CHSY3: variants seen among roughly 807,000 people sequenced by gnomAD.
CHSY3 encodes the protein N-acetylgalactosaminyl-proteoglycan 3-beta-glucuronosyltransferase 3.
Under a neutral mutation model 67.2 loss-of-function variants are expected in CHSY3, and 35 were observed. The ratio of observed to expected loss-of-function variants is 0.52; its 90% CI spans 0.40 to 0.69. The LOEUF (loss-of-function observed/expected upper bound fraction) is 0.69, where lower values mean the gene tolerates loss of function less well. Ranked by LOEUF, CHSY3 falls within the 30% of genes least tolerant of loss-of-function variation. The pLI, the probability that CHSY3 is intolerant of heterozygous loss-of-function variation, is 0.00. For synonymous variants in CHSY3, 474 were observed against 434.7 expected (o/e 1.09, Z -1.12); for missense variants, 1,069 against 1,138.5 (o/e 0.94, Z 0.88).
chr5:129,924,012 A>G (rs1437377772), intron 2 of CHSY3, among the ~76,000 whole-genome samples: 1 of 152,208 alleles, frequency 6.6e-6, no homozygotes, highest in East Asian at 1.9e-4. Context: ...TATCACAGCC[A>G]TAGAATTAAA....
intron 2 of CHSY3, among the ~76,000 whole-genome samples, chr5:130,149,806 C>A (rs1168620505): frequency 6.6e-6 from 1 of 152,140 alleles, no homozygotes; most frequent in African/African-American, 2.4e-5. Flanking sequence ...GTTAAAACAC[C>A]AGTATCTGTA....
intron 2 of CHSY3, among the ~76,000 whole-genome samples, chr5:130,139,361 A>G (rs1330983846): frequency 6.6e-6 from 1 of 152,218 alleles, no homozygotes; most frequent in Non-Finnish European, 1.5e-5. Context: ...TTCCCATCAT[A>G]TGAAGTTCAG....
intron 2 of CHSY3, among the ~76,000 whole-genome samples, chr5:130,055,594 GA>G (rs1450730796): frequency 3.3e-5 from 5 of 152,056 alleles, no homozygotes; most frequent in Admixed American, 6.6e-5. Flanking sequence ...ATCATTTCAT[GA>G]TGGCTTTGAG....
intron 2 of CHSY3, among the ~76,000 whole-genome samples, chr5:129,997,526 A>G (rs1444095237): frequency 6.6e-6 from 1 of 151,960 alleles, no homozygotes; most frequent in African/African-American, 2.4e-5. Flanking sequence ...TTTTTTTAAT[A>G]CTTTAAGTTC....
chr5:129,913,446 A>G (rs1033547461), intron 2 of CHSY3, among the ~76,000 whole-genome samples: 1 of 152,220 alleles, frequency 6.6e-6, no homozygotes, highest in African/African-American at 2.4e-5. Flanking sequence ...ATCATATAAC[A>G]TAGTTACATT....
chr5:130,068,097 G>A (rs192547991), intron 2 of CHSY3, among the ~76,000 whole-genome samples: 2 of 151,978 alleles, frequency 1.3e-5, no homozygotes, highest in Non-Finnish European at 2.9e-5. Context: ...CTTCAATGTG[G>A]CCTGTTTCAA....
chr5:130,177,418 G>C (rs933468040), intron 2 of CHSY3, among the ~76,000 whole-genome samples: 1 of 151,616 alleles, frequency 6.6e-6, no homozygotes, highest in Non-Finnish European at 1.5e-5. Flanking sequence ...TCTCTGCTTG[G>C]GAATAACAAA....
chr5:130,028,391 A>G (rs1447599766), intron 2 of CHSY3, among the ~76,000 whole-genome samples: 2 of 152,118 alleles, frequency 1.3e-5, no homozygotes, highest in African/African-American at 2.4e-5. Flanking sequence ...CAAACCTGAC[A>G]AAAACAAGAA....
intron 2 of CHSY3, among the ~76,000 whole-genome samples, chr5:130,092,223 G>A (rs1014418905): frequency 6.6e-6 from 1 of 152,146 alleles, no homozygotes; most frequent in East Asian, 1.9e-4. Context: ...AATTCCTCAT[G>A]TGTGACATGG....
intron 2 of CHSY3, among the ~76,000 whole-genome samples, chr5:129,957,985 G>A (rs1340650122): frequency 6.6e-6 from 1 of 151,524 alleles, no homozygotes; most frequent in African/African-American, 2.4e-5. Flanking sequence ...TTACTTTCAT[G>A]TTTTTCTTCT....
chr5:130,054,597 G>T (rs1039546141), intron 2 of CHSY3, among the ~76,000 whole-genome samples: 2 of 152,110 alleles, frequency 1.3e-5, no homozygotes, highest in African/African-American at 2.4e-5. Context: ...TCTCATTTCT[G>T]TGCCTCAGTT....
At chr5:130,020,461 A>ATTTTTTT (rs1196155924) in intron 2 of CHSY3, among the ~76,000 whole-genome samples, 23 of 79,870 alleles carry the variant, frequency 2.9e-4, no homozygotes, top group African/African-American at 5.5e-4. Flanking sequence ...ATATATATAT[A>ATTTTTTT]TTTTTTTTTT....
intron 2 of CHSY3, among the ~76,000 whole-genome samples, chr5:130,075,147 T>C (rs1001213960): frequency 6.6e-6 from 1 of 152,138 alleles, no homozygotes; most frequent in Non-Finnish European, 1.5e-5. Context: ...CCACCTACCT[T>C]AAATGCGCTT....
At chr5:130,106,626 T>C (rs1487192901) in intron 2 of CHSY3, among the ~76,000 whole-genome samples, 1 of 151,624 alleles carries the variant, frequency 6.6e-6, no homozygotes, top group Non-Finnish European at 1.5e-5. Context: ...TGGGAAGGCA[T>C]TGAACACAGT....
At chr5:130,038,193 G>C (rs1009192485) in intron 2 of CHSY3, among the ~76,000 whole-genome samples, 4 of 152,074 alleles carry the variant, frequency 2.6e-5, no homozygotes, top group African/African-American at 9.7e-5. Context: ...GAAAAGGGCA[G>C]AATATTAATA....
intron 2 of CHSY3, among the ~76,000 whole-genome samples, chr5:130,065,687 C>T (rs147823154): frequency 1.2e-3 from 176 of 152,132 alleles, no homozygotes; most frequent in African/African-American, 4.1e-3. Context: ...ACTGTGTCAC[C>T]AGTTTAAAAG....
rs549110054 is a variant in CHSY3 at position 130,181,962 on chromosome 5, G to A, written c.1087-2267G>A. ...TTTGGAGTATGAATAATGCAGCTAC[G>A]AAAATTATTCTATATATATTTAGGT... is the stretch of plus-strand genomic sequence containing the variant. On this transcript the variant is annotated intron_variant, in intron 2 of 2. Coordinates refer to ENST00000305031, the MANE Select transcript of CHSY3 (RefSeq NM_175856.5). 9.3e-5 allele frequency among the ~76,000 whole-genome samples: 14 copies of A among 150,090 alleles called. No individual in the cohort carries two copies. In the South Asian group the frequency reaches 2.1e-3, roughly 23 times the overall value.
chr5:130,055,279 T>TAAA (rs200891155), intron 2 of CHSY3, among the ~76,000 whole-genome samples: 18 of 140,052 alleles, frequency 1.3e-4, no homozygotes, highest in Admixed American at 1.2e-3. Context: ...TTGCCCCTTG[T>TAAA]AAAAAAAAAA....
chr5:129,924,943 A>G (rs1761052351), intron 2 of CHSY3, among the ~76,000 whole-genome samples: 1 of 152,160 alleles, frequency 6.6e-6, no homozygotes, highest in Non-Finnish European at 1.5e-5. Flanking sequence ...TGTTTATTCT[A>G]CATTTACTGA....
Sources: gnomAD v4.1 joint callset for allele counts (sites outside exome capture counted in the v4.1 genomes callset) on GRCh38, gnomAD v4.1.1 for gene constraint, MANE v1.5 for transcripts, NCBI Gene and HGNC (gene_info 2026-07-23, HGNC 2026-07-21) for gene names.